GPRC5B: variants seen among roughly 807,000 people sequenced by gnomAD.
The protein encoded by GPRC5B is G protein-coupled receptor family C group 5 member B.
In GPRC5B, 16 loss-of-function variants were observed where a neutral mutation model predicts 30.1. That is an observed-to-expected ratio of 0.53 (90% CI 0.36 to 0.81). The LOEUF (loss-of-function observed/expected upper bound fraction) is 0.81. Ranked by LOEUF, GPRC5B falls within the 30% of genes least tolerant of loss-of-function variation. GPRC5B has a pLI of 0.01. For synonymous variants in GPRC5B, 241 were observed against 239.5 expected (o/e 1.01, Z -0.06); for missense variants, 428 against 544.7 (o/e 0.79, Z 2.13).
At chr16:19,875,036 C>A (rs751100896) in intron 1 of GPRC5B, among the ~76,000 whole-genome samples, 1 of 152,160 alleles carries the variant, frequency 6.6e-6, no homozygotes, top group Admixed American at 6.5e-5. Flanking sequence ...GGCTCCAGTA[C>A]GTCCCTGGGG....
chr16:19,858,721 A>G lies in GPRC5B; in HGVS notation c.*1779T>C, dbSNP rs771508449. 36 of 462,332 alleles carry G rather than the reference A, an allele frequency of 7.8e-5. No individual in the cohort carries two copies. The highest frequency in any genetic ancestry group is 4.3e-4 in the South Asian group (9 of 20,956). 28.6% of individuals were successfully genotyped at this position (462,332 alleles called of 1,614,324 possible). On this transcript the variant is annotated 3_prime_UTR_variant, in exon 4 of 4. Transcript: ENST00000300571. ...GACTCTTACGTTTTCTGTCCACGCA[A>G]TGACTGGAACGGGATTCTCTAGAAG...
chr16:19,863,172 T>C (rs1471971184), intron 2 of GPRC5B, among the ~76,000 whole-genome samples: 3 of 152,006 alleles, frequency 2.0e-5, no homozygotes, highest in Non-Finnish European at 4.4e-5. Flanking sequence ...GCTACTTTTT[T>C]TTTTTTTGAC....
chr16:19,880,986 G>T (rs939402385), intron 1 of GPRC5B: 1 of 152,190 alleles, frequency 6.6e-6, no homozygotes, highest in Admixed American at 6.5e-5. Context: ...TAAAGATGGC[G>T]GTAGGCACTG....
chr16:19,861,752 T>C (rs1040335660), intron 3 of GPRC5B, 85 bp downstream of exon 3: 31 of 1,162,966 alleles, frequency 2.7e-5, no homozygotes, highest in Middle Eastern at 5.8e-4. Context: ...GCAGCCTCCA[T>C]GGAGGAGTAT....
At chr16:19,865,495 TG>T (rs1358003934) in intron 2 of GPRC5B, among the ~76,000 whole-genome samples, 1 of 152,198 alleles carries the variant, frequency 6.6e-6, no homozygotes, top group Admixed American at 6.5e-5. Flanking sequence ...CTGAAATTGA[TG>T]AGGAAAAAAC....
intron 2 of GPRC5B, among the ~76,000 whole-genome samples, chr16:19,870,684 C>A (rs2056709802): frequency 6.6e-6 from 1 of 152,178 alleles, no homozygotes; most frequent in South Asian, 2.1e-4. Flanking sequence ...GTTGAAGACT[C>A]AAATGCTTTG....
chr16:19,885,305 C>A, upstream of GPRC5B: 1 of 1,256,964 alleles, frequency 8.0e-7, no homozygotes, highest in East Asian at 6.1e-5. This position sits in a 1 kb window ranked among gnomAD's most constrained non-coding sequence, Gnocchi z 5.3. Flanking sequence ...CGAAACACAC[C>A]AGCACCAGGT....
upstream of GPRC5B, chr16:19,885,017 GCACCC>G (rs903206551): frequency 6.1e-4 from 334 of 547,140 alleles, no homozygotes; most frequent in Middle Eastern, 3.7e-3. The surrounding 1 kb of genome is among the most constrained non-coding windows in gnomAD (Gnocchi z 5.3). Context: ...CCGTCTGCAT[GCACCC>G]CCGGAGCCCA....
At chr16:19,862,446 C>T (rs1431274299) in intron 2 of GPRC5B, 1 of 153,014 alleles carries the variant, frequency 6.5e-6, no homozygotes, top group East Asian at 1.9e-4. Context: ...AGGGTTATTC[C>T]AAACAAGAAT....
rs772237614 is a variant in GPRC5B at position 19,871,865 on chromosome 16, C to T, written c.981G>A (p.Pro327=). ...AGGCCTTGTTCTCCATATAGGCCCG[C>T]GGCAGCTGCACGTCCTCCTCGAAGG... ...ETAFEEDVQL[P]RAYMENKAFS... Residue 327 remains proline, a synonymous_variant, in exon 2 of 4, where the codon CCG becomes CCA. Transcript: ENST00000300571. 1.2e-5 allele frequency: 20 copies of T among 1,613,938 alleles called. No individual in the cohort carries two copies. Among genetic ancestry groups the T allele is most frequent in the East Asian group, 2.2e-5 (1 of 44,888 alleles).
In GPRC5B at chr16:19,884,701, A is replaced by C. The variant is rs886361931; in HGVS notation, c.-2+26T>G. ...TTCTGGGGTCCCCACAGCGTCCTCC[A>C]CTGCATCGGCGCAGCTCGCACTTAC... On this transcript the variant is annotated intron_variant, in intron 1 of 3. Coordinates refer to ENST00000300571, the MANE Select transcript of GPRC5B (RefSeq NM_016235.3). 3.0e-6 allele frequency: 3 copies of C among 984,596 alleles called. No individual in the cohort carries two copies. The African/African-American group carries it at 5.3e-5, about 17-fold the overall frequency. 61.0% of individuals were successfully genotyped at this position (984,596 alleles called of 1,614,324 possible). A position where few individuals can be genotyped will look rare whatever the true frequency, so the allele number is the denominator to read the frequency against.
upstream of GPRC5B, chr16:19,885,053 G>C (rs1597639433): frequency 1.0e-5 from 7 of 685,244 alleles, no homozygotes; most frequent in East Asian, 6.0e-4. The surrounding 1 kb of genome is among the most constrained non-coding windows in gnomAD (Gnocchi z 5.3). Context: ...TTCTAGCCCG[G>C]ATCTCAGAGA....
chr16:19,863,690 A>T (rs536302347), intron 2 of GPRC5B, among the ~76,000 whole-genome samples: 3 of 151,868 alleles, frequency 2.0e-5, no homozygotes, highest in African/African-American at 7.2e-5. Context: ...TTTAGTAGAG[A>T]CAGGGTTTCA....
rs779927919 is a variant in GPRC5B, at chr16:19,872,877, G to T, written c.-1-31C>A. ...AAAGCCAAGAGGGGAATGGTTGGGG[G>T]GAAGGAAAGATGAATTCATTGGAAG... On this transcript the variant is annotated intron_variant, in intron 1 of 3. Coordinates refer to ENST00000300571, the MANE Select transcript of GPRC5B (RefSeq NM_016235.3). The surrounding 1 kb of genome is among the most constrained non-coding windows in gnomAD (Gnocchi z 5.0). 3.9e-5 allele frequency: 60 copies of T among 1,530,332 alleles called. No homozygotes were observed. The highest frequency in any genetic ancestry group is 4.7e-5 in the Non-Finnish European group (52 of 1,112,420). 94.8% of individuals were successfully genotyped at this position (1,530,332 alleles called of 1,614,324 possible).
chr16:19,856,810 ATTCT>A lies in GPRC5B; in HGVS notation c.*3686_*3689del. ...ATTACTTCTTCAGTGCCTCAGGAGTATTCTTCTACACCAGCTGCTGTTAAAATGT... is the reference window on the plus strand; with the variant it reads ...ATTACTTCTTCAGTGCCTCAGGAGTATCTACACCAGCTGCTGTTAAAATGT... On this transcript the variant is annotated 3_prime_UTR_variant, in exon 4 of 4. Coordinates refer to ENST00000300571, the MANE Select transcript of GPRC5B (RefSeq NM_016235.3). The A allele has an allele frequency of 4.7e-6, 2 of 430,074 alleles. No individual in the cohort carries two copies. The highest frequency in any genetic ancestry group is 4.1e-5 in the Admixed American group (1 of 24,222). 26.6% of individuals were successfully genotyped at this position (430,074 alleles called of 1,614,324 possible).
intron 2 of GPRC5B, among the ~76,000 whole-genome samples, chr16:19,863,474 G>A (rs886113546): frequency 2.5e-4 from 37 of 149,022 alleles, no homozygotes; most frequent in Non-Finnish European, 4.1e-4. Flanking sequence ...TTGGGACCCA[G>A]GCAAGGAATC....
intron 3 of GPRC5B, among the ~76,000 whole-genome samples, chr16:19,861,087 TAAA>T (rs3067833): frequency 4.3e-5 from 4 of 93,392 alleles, no homozygotes; most frequent in African/African-American, 9.8e-5. Flanking sequence ...CTGATTTACA[TAAA>T]AAAAAAAAAA....
chr16:19,863,937 C>T (rs967726851), intron 2 of GPRC5B, among the ~76,000 whole-genome samples: 1 of 152,084 alleles, frequency 6.6e-6, no homozygotes, highest in African/African-American at 2.4e-5. Flanking sequence ...GCCCCCCAAC[C>T]CCCCCGCAAC....
chr16:19,884,378 C>T (rs1376211082), intron 1 of GPRC5B, among the ~76,000 whole-genome samples: 2 of 151,436 alleles, frequency 1.3e-5, no homozygotes, highest in Admixed American at 6.6e-5. Flanking sequence ...GTCACTAGGA[C>T]ACGGCTGGGC....
Sources: gnomAD v4.1 joint callset for allele counts (sites outside exome capture counted in the v4.1 genomes callset) on GRCh38, gnomAD v4.1.1 for gene constraint, Gnocchi (gnomAD v3.1) non-coding constraint, MANE v1.5 for transcripts, NCBI Gene and HGNC (gene_info 2026-07-23, HGNC 2026-07-21) for gene names.